SPAG16: variants seen among roughly 807,000 people sequenced by gnomAD.
SPAG16 encodes the protein sperm associated antigen 16.
In SPAG16, 86 loss-of-function variants were observed where a neutral mutation model predicts 80.4. That is an observed-to-expected ratio of 1.07 (90% CI 0.90 to 1.28). SPAG16 has a LOEUF of 1.28. Ranked by LOEUF, SPAG16 falls within the 50% of genes most tolerant of loss-of-function variation. The pLI, the probability that SPAG16 is intolerant of heterozygous loss-of-function variation, is 0.00. For synonymous variants in SPAG16, 294 were observed against 265.9 expected (o/e 1.11, Z -1.03); for missense variants, 870 against 765.3 (o/e 1.14, Z -1.61).
intron 10 of SPAG16, among the ~76,000 whole-genome samples, chr2:213,818,584 G>T (rs1416770643): frequency 6.6e-6 from 1 of 152,102 alleles, no homozygotes; most frequent in Non-Finnish European, 1.5e-5. Context: ...GTTCATTCCA[G>T]TGAACCCTCA....
chr2:213,781,224 T>C (rs2125582314), intron 10 of SPAG16, among the ~76,000 whole-genome samples: 1 of 152,340 alleles, frequency 6.6e-6, no homozygotes, highest in Non-Finnish European at 1.5e-5. Context: ...CTCTGCCTTC[T>C]GAGAAGCTAT....
At position 213,995,311 on chromosome 2, in the gene SPAG16, G is replaced by A. The variant is rs188984503; in HGVS notation, c.1401-18640G>A. On this transcript the variant is annotated intron_variant, in intron 12 of 15. Coordinates refer to ENST00000331683, the MANE Select transcript of SPAG16 (RefSeq NM_024532.5). ...GGGAGCCCCAAGGAAGTATAAGGCG[G>A]GGTGGGGCTCAGGAAAAGCAGATTT... Among the ~76,000 whole-genome samples, 7 of 152,282 alleles carry A rather than the reference G, an allele frequency of 4.6e-5. 1 individual carries two copies. The highest frequency in any genetic ancestry group is 1.7e-4 in the African/African-American group (7 of 41,558).
intron 15 of SPAG16, among the ~76,000 whole-genome samples, chr2:214,363,450 T>C (rs1699301673): frequency 6.6e-6 from 1 of 152,036 alleles, no homozygotes; most frequent in Non-Finnish European, 1.5e-5. Context: ...TTCCATACTT[T>C]TAAATATTAT....
chr2:214,012,283 TATATA>T (rs1182852705), intron 12 of SPAG16, among the ~76,000 whole-genome samples: 776 of 54,074 alleles, frequency 0.014, 17 homozygotes, highest in African/African-American at 0.057. Context: ...TATATATATA[TATATA>T]TTTTTTTTTT....
chr2:213,684,150 C>T (rs2064538699), intron 10 of SPAG16, among the ~76,000 whole-genome samples: 1 of 152,222 alleles, frequency 6.6e-6, no homozygotes, highest in South Asian at 2.1e-4. Context: ...ATCCTGTCAA[C>T]ACTGGCATTT....
chr2:213,945,073 C>A (rs1473773002), intron 12 of SPAG16, among the ~76,000 whole-genome samples: 1 of 151,716 alleles, frequency 6.6e-6, no homozygotes, highest in Non-Finnish European at 1.5e-5. Flanking sequence ...TTGCTTCTTT[C>A]TTCTTTGTTC....
intron 7 of SPAG16, among the ~76,000 whole-genome samples, chr2:213,362,811 G>T (rs978931604): frequency 6.6e-6 from 1 of 152,170 alleles, no homozygotes; most frequent in Admixed American, 6.5e-5. Context: ...AGGAAAAGAG[G>T]TTTATTTGGC....
intron 9 of SPAG16, among the ~76,000 whole-genome samples, chr2:213,415,438 T>C (rs1575531985): frequency 6.6e-6 from 1 of 152,140 alleles, no homozygotes; most frequent in African/African-American, 2.4e-5. Flanking sequence ...GAAAAAACAA[T>C]TGAAGTGGAA....
intron 12 of SPAG16, among the ~76,000 whole-genome samples, chr2:213,983,790 A>C (rs2045880627): frequency 6.6e-6 from 1 of 152,024 alleles, no homozygotes; most frequent in Non-Finnish European, 1.5e-5. Context: ...GAAGCCCATT[A>C]CCTACTATTC....
intron 10 of SPAG16, among the ~76,000 whole-genome samples, chr2:213,777,881 G>A (rs1291951651): frequency 6.6e-6 from 1 of 152,030 alleles, no homozygotes; most frequent in Non-Finnish European, 1.5e-5. Context: ...TAATTCAATT[G>A]CACTCCAAGT....
At chr2:213,590,599 G>C (rs1244790422) in intron 10 of SPAG16, among the ~76,000 whole-genome samples, 1 of 152,148 alleles carries the variant, frequency 6.6e-6, no homozygotes, top group Non-Finnish European at 1.5e-5. Flanking sequence ...GTCACAATGA[G>C]ATGCCATCTC....
At chr2:213,831,392 T>G (rs1176338992) in intron 10 of SPAG16, among the ~76,000 whole-genome samples, 1 of 144,976 alleles carries the variant, frequency 6.9e-6, no homozygotes, top group Non-Finnish European at 1.5e-5. Context: ...GCCAAAATGC[T>G]TTTCAATTCA....
At chr2:214,182,099 T>A (rs17748509) in intron 15 of SPAG16, among the ~76,000 whole-genome samples, 45,422 of 151,724 alleles carry the variant, frequency 0.3, 8,474 homozygotes, top group Non-Finnish European at 0.41. Context: ...ACTGACAGTT[T>A]ATCTCTTTCT....
chr2:213,340,129 G>A (rs1489784077), intron 5 of SPAG16, 34 bp from the exon 6 acceptor site: 14 of 1,413,822 alleles, frequency 9.9e-6, no homozygotes, highest in South Asian at 3.6e-5. Flanking sequence ...AAAAGAATTA[G>A]CAGTGATTTA....
At chr2:213,944,897 G>A (rs182688916) in intron 12 of SPAG16, among the ~76,000 whole-genome samples, 1 of 152,008 alleles carries the variant, frequency 6.6e-6, no homozygotes, top group Non-Finnish European at 1.5e-5. Flanking sequence ...AATTAGCCGG[G>A]CGTGGGGGCG....
At chr2:214,402,402 T>C (rs554306480) in intron 15 of SPAG16, among the ~76,000 whole-genome samples, 142 of 152,140 alleles carry the variant, frequency 9.3e-4, no homozygotes, top group African/African-American at 3.3e-3. Context: ...GATTTTACTT[T>C]ACCAATCTAT....
chr2:213,381,007 C>T (rs1386890258), intron 9 of SPAG16, among the ~76,000 whole-genome samples: 1 of 152,142 alleles, frequency 6.6e-6, no homozygotes, highest in African/African-American at 2.4e-5. Context: ...TACTAATTGA[C>T]TAATATATCT....
chr2:213,574,505 G>A (rs1477626711), intron 10 of SPAG16, among the ~76,000 whole-genome samples: 5 of 151,838 alleles, frequency 3.3e-5, no homozygotes, highest in African/African-American at 7.3e-5. Flanking sequence ...GTGCCAAGAA[G>A]GATATTGTGA....
chr2:213,299,717 A>G (rs2062655372), intron 3 of SPAG16, among the ~76,000 whole-genome samples: 1 of 152,158 alleles, frequency 6.6e-6, no homozygotes, highest in Non-Finnish European at 1.5e-5. Flanking sequence ...TGAATTCTGA[A>G]TTAAATAATT....
Sources: allele counts gnomAD v4.1 joint callset (sites outside exome capture counted in the v4.1 genomes callset), GRCh38; gene constraint gnomAD v4.1.1; transcripts MANE v1.5; gene names NCBI Gene and HGNC (gene_info 2026-07-23, HGNC 2026-07-21).